The following PIBF1 variants were observed in gnomAD, a reference collection of about 807,000 sequenced individuals.
The protein encoded by PIBF1 is progesterone immunomodulatory binding factor 1.
Under a neutral mutation model 112.5 loss-of-function variants are expected in PIBF1, and 90 were observed. That is an observed-to-expected ratio of 0.80 (90% confidence interval 0.67 to 0.95). PIBF1 has a LOEUF of 0.95. PIBF1 is among the 40% of genes least tolerant of loss of function. The pLI, the probability that PIBF1 is intolerant of heterozygous loss-of-function variation, is 0.00. For synonymous variants in PIBF1, 301 were observed against 288.6 expected, an observed-to-expected ratio of 1.04 and a Z score of -0.44; for missense variants, 915 against 852.3, an observed-to-expected ratio of 1.07 and a Z score of -0.92.
chr13:72,931,440 G>A (rs1375021243), intron 14 of PIBF1, among the ~76,000 whole-genome samples, 173 bp downstream of exon 14: 6 of 151,994 alleles, frequency 3.9e-5, no homozygotes, highest in Admixed American at 1.3e-4. Context: ...TACAGTGTAT[G>A]GCAAAACTGA....
intron 12 of PIBF1, among the ~76,000 whole-genome samples, chr13:72,910,080 A>G (rs2040844146): frequency 6.6e-6 from 1 of 152,154 alleles, no homozygotes; most frequent in South Asian, 2.1e-4. Flanking sequence ...TAATTATTTT[A>G]GGCACATTTT....
At chr13:72,962,831 T>G (rs540570345) in intron 14 of PIBF1, among the ~76,000 whole-genome samples, 2 of 152,224 alleles carry the variant, frequency 1.3e-5, no homozygotes, top group African/African-American at 4.8e-5. Context: ...CAAAACAATC[T>G]TTAAAAGGAA....
intron 14 of PIBF1, among the ~76,000 whole-genome samples, chr13:72,935,564 G>A (rs527244757): frequency 3.9e-5 from 6 of 152,118 alleles, no homozygotes; most frequent in African/African-American, 1.4e-4. Context: ...ATATCTAGGA[G>A]TAGACTGGCC....
At position 72,898,564 on chromosome 13, in the gene PIBF1, C is replaced by T. The variant is rs140530813; in HGVS notation, c.1488+4615C>T. On this transcript the variant is annotated intron_variant, in intron 11 of 17. Transcript: ENST00000326291. ...TAAAATTGATAGATCAGGCCAGGCA[C>T]GGTGGCTCACGCCTGTAATCCCAGC... 2.4e-3 allele frequency among the ~76,000 whole-genome samples: 363 copies of T among 151,808 alleles called. 13 individuals are homozygous for T. In the East Asian group the frequency reaches 0.055, roughly 23 times the overall value.
chr13:72,997,857 A>G (rs1259675883), intron 16 of PIBF1, among the ~76,000 whole-genome samples: 4 of 102,282 alleles, frequency 3.9e-5, no homozygotes, highest in African/African-American at 1.5e-4. Flanking sequence ...TGATGTATCA[A>G]TTTAGTAATT....
chr13:72,930,707 TTTATA>T (rs761699159), intron 13 of PIBF1, among the ~76,000 whole-genome samples: 4 of 152,334 alleles, frequency 2.6e-5, no homozygotes, highest in Non-Finnish European at 4.4e-5. Flanking sequence ...TCATTTTTGT[TTTATA>T]TTATAACATG....
intron 17 of PIBF1, among the ~76,000 whole-genome samples, chr13:73,005,169 C>CG (rs2043993426): frequency 6.7e-6 from 1 of 150,352 alleles, no homozygotes; most frequent in Non-Finnish European, 1.5e-5. Context: ...GAGTGAAACT[C>CG]CATCTCAAAT....
Position 72,952,758 on chromosome 13 carries a change from T to C in PIBF1, c.1834-12516T>C, listed in dbSNP as rs1282746724. Among the ~76,000 whole-genome samples, 4 of 152,014 alleles carry C rather than the reference T, an allele frequency of 2.6e-5. No homozygotes were observed. In the East Asian group the frequency reaches 7.8e-4, roughly 29 times the overall value. ...TCCTTAGTTGTAGAGAATCTTTGTG[T>C]GATGGCTTTCTCAGATGCTGATGAT... On this transcript the variant is annotated intron_variant, in intron 14 of 17. Transcript: ENST00000326291.
chr13:72,993,745 C>CAA lies in PIBF1; in HGVS notation c.2050-5061_2050-5060dup, dbSNP rs34464067. Among the ~76,000 whole-genome samples, 956 of 98,762 alleles carry CAA rather than the reference C, an allele frequency of 9.7e-3. 10 individuals are homozygous for CAA. Among genetic ancestry groups the CAA allele is most frequent in the Middle Eastern group, 0.026 (4 of 156 alleles). 64.8% of individuals were successfully genotyped at this position (98,762 alleles called of 152,430 possible). A position where few individuals can be genotyped will look rare whatever the true frequency, so the allele number is the denominator to read the frequency against. ...TGGGCGACAGAGCGAGACTCCATTT[C>CAA]AAAAAAAAAAAAAAAAAGAATCAGG... On this transcript the variant is annotated intron_variant, in intron 16 of 17. Transcript: ENST00000326291.
chr13:72,792,587 T>A, intron 3 of PIBF1, 40 bp downstream of exon 3: 1 of 1,064,048 alleles, frequency 9.4e-7, no homozygotes, highest in Non-Finnish European at 1.4e-6. Flanking sequence ...AACATCTATT[T>A]AGCAATTAAA....
At chr13:72,924,397 T>A (rs1035823562) in intron 13 of PIBF1, among the ~76,000 whole-genome samples, 2 of 139,788 alleles carry the variant, frequency 1.4e-5, no homozygotes, top group African/African-American at 4.9e-5. Context: ...TGTGTTCATT[T>A]GAACAAAATG....
chr13:72,980,071 AAG>A lies in PIBF1; in HGVS notation c.2049+6399_2049+6400del, dbSNP rs550318616. Among the ~76,000 whole-genome samples the A allele has an allele frequency of 1.3e-3, 197 of 152,302 alleles. 1 individual carries two copies. The highest frequency in any genetic ancestry group is 2.2e-3 in the Non-Finnish European group (153 of 68,022). ...GTGGTGCTACAAAGAACCTAGAAGA[AAG>A]AGGTTTGGGGAAGAAAAGTTCAAGA... On this transcript the variant is annotated intron_variant, in intron 16 of 17. Transcript: ENST00000326291.
chr13:72,997,150 CTTA>C (rs2043703749), intron 16 of PIBF1, among the ~76,000 whole-genome samples: 1 of 152,072 alleles, frequency 6.6e-6, no homozygotes, highest in African/African-American at 2.4e-5. Flanking sequence ...GATTTTTGCT[CTTA>C]TTTTATCTTC....
chr13:72,875,689 T>C (rs534098794), intron 10 of PIBF1, among the ~76,000 whole-genome samples: 1 of 152,324 alleles, frequency 6.6e-6, no homozygotes, highest in Non-Finnish European at 1.5e-5. Flanking sequence ...CCTGATGACA[T>C]ATGATGCAGA....
At chr13:72,970,769 A>T (rs532056380) in intron 15 of PIBF1, 1 of 152,190 alleles carries the variant, frequency 6.6e-6, no homozygotes, top group Non-Finnish European at 1.5e-5. Context: ...GAGTAAATAC[A>T]TACTAGAAGA....
Position 72,835,288 on chromosome 13 carries a change from A to G in PIBF1, c.1143A>G (p.Leu381=). 1 of 1,593,288 alleles carries G rather than the reference A, an allele frequency of 6.3e-7. No individual in the cohort carries two copies. The highest frequency in any genetic ancestry group is 1.7e-4 in the Middle Eastern group (1 of 5,988). The change falls in exon 9 of 18, where the codon CTA becomes CTG. Residue 381 remains leucine, a synonymous_variant. Coordinates refer to ENST00000326291, the MANE Select transcript of PIBF1 (RefSeq NM_006346.4). ...TEYENKLHDE[L]EQIRLKTNQE... is the part of the protein sequence containing the mutation. Reference sequence around the variant, plus strand: ...ATGAAAATAAACTACATGATGAACTAGAACAAATCAGATTGAAAACCAACC... The same window carrying G: ...ATGAAAATAAACTACATGATGAACTGGAACAAATCAGATTGAAAACCAACC...
chr13:72,972,663 CAAA>C (rs35656003), intron 15 of PIBF1, among the ~76,000 whole-genome samples: 1 of 135,246 alleles, frequency 7.4e-6, no homozygotes, highest in Admixed American at 7.2e-5. Context: ...GACTCCGTCT[CAAA>C]AAAAAAAAAA....
chr13:72,937,403 G>A (rs1244910387), intron 14 of PIBF1, among the ~76,000 whole-genome samples: 1 of 152,074 alleles, frequency 6.6e-6, no homozygotes, highest in African/African-American at 2.4e-5. Flanking sequence ...TAAAACATAT[G>A]GTATAAGAAC....
chr13:72,968,410 C>T (rs1287638945), intron 15 of PIBF1, among the ~76,000 whole-genome samples: 1 of 151,558 alleles, frequency 6.6e-6, no homozygotes, highest in African/African-American at 2.4e-5. Flanking sequence ...AAGCGATTCT[C>T]CTGTCTCAGC....
Sources: gnomAD v4.1 joint callset for allele counts (sites outside exome capture counted in the v4.1 genomes callset) on GRCh38, gnomAD v4.1.1 for gene constraint, MANE v1.5 for transcripts, NCBI Gene and HGNC (gene_info 2026-07-23, HGNC 2026-07-21) for gene names.